Variants in TRDN observed in about 807,000 individuals in gnomAD.
TRDN encodes triadin in skeletal muscle.
A neutral mutation model predicts 149.7 loss-of-function variants in TRDN; 161 were observed. That is an observed-to-expected ratio of 1.08 (90% CI 0.95 to 1.23). TRDN has a LOEUF of 1.23. Among genes scored for constraint, TRDN ranks in the 50% most tolerant of loss-of-function variants. The pLI, the probability that TRDN is intolerant of heterozygous loss-of-function variation, is 0.00. For synonymous variants in TRDN, 294 were observed against 250.5 expected, an observed-to-expected ratio of 1.17 and a Z score of -1.64; for missense variants, 896 against 823.5, an observed-to-expected ratio of 1.09 and a Z score of -1.08.
rs1048365575 is a variant in TRDN, at chr6:123,310,450, T to C, written c.1510+6007A>G. ...ACCAGCAGGAGTGAAAACCTTGTAC[T>C]TATTGCAAAATACTTTTTTATCTCA... On this transcript the variant is annotated intron_variant, in intron 24 of 40. Transcript: ENST00000334268. Among the ~76,000 whole-genome samples, 3 of 152,054 alleles carry C rather than the reference T, an allele frequency of 2.0e-5. No individual in the cohort carries two copies. In the Admixed American group the frequency reaches 2.0e-4, roughly 10 times the overall value.
chr6:123,541,374 C>G (rs531368463), intron 4 of TRDN, among the ~76,000 whole-genome samples: 20 of 152,122 alleles, frequency 1.3e-4, no homozygotes, highest in Non-Finnish European at 2.8e-4. Flanking sequence ...TTTAGTAGCA[C>G]GAAGTACTAC....
chr6:123,421,886 A>T (rs1002567573), intron 12 of TRDN, among the ~76,000 whole-genome samples: 19 of 151,702 alleles, frequency 1.3e-4, no homozygotes, highest in African/African-American at 4.4e-4. Flanking sequence ...AGCCAGGAGG[A>T]CTGCTTGAGC....
chr6:123,497,831 A>G (rs890400175), intron 8 of TRDN, among the ~76,000 whole-genome samples: 1 of 152,174 alleles, frequency 6.6e-6, no homozygotes, highest in Non-Finnish European at 1.5e-5. Flanking sequence ...GAACCAAATG[A>G]TATTGTTGTT....
intron 9 of TRDN, among the ~76,000 whole-genome samples, chr6:123,482,190 TGGTTTTG>T (rs985555161): frequency 1.3e-5 from 2 of 152,194 alleles, no homozygotes; most frequent in African/African-American, 2.4e-5. Context: ...AAAAGAAATC[TGGTTTTG>T]GAGTTTACCT....
In TRDN at chr6:123,308,519, C is replaced by T. The variant is rs141675040; in HGVS notation, c.1510+7938G>A. On this transcript the variant is annotated intron_variant, in intron 24 of 40. Transcript: ENST00000334268. ...ATTCCTTTTTCTCAGGTTTGAAGAA[C>T]TCTCTTTCCTTTGTCTTCTACTCTG... 5.9e-3 allele frequency among the ~76,000 whole-genome samples: 896 copies of T among 151,998 alleles called. 6 individuals carry two copies. Among genetic ancestry groups the T allele is most frequent in the African/African-American group, 0.02 (846 of 41,514 alleles).
intron 1 of TRDN, among the ~76,000 whole-genome samples, chr6:123,580,771 A>G (rs758430711): frequency 1.3e-5 from 2 of 152,228 alleles, no homozygotes; most frequent in Non-Finnish European, 2.9e-5. Context: ...CTATGTAAAT[A>G]AAGCCTCAAC....
chr6:123,622,379 A>G (rs569726080), intron 1 of TRDN, among the ~76,000 whole-genome samples: 60 of 151,996 alleles, frequency 3.9e-4, no homozygotes, highest in Non-Finnish European at 3.2e-4. Flanking sequence ...CATACAAAAT[A>G]TGTGTTAATC....
intron 4 of TRDN, among the ~76,000 whole-genome samples, chr6:123,543,451 T>C (rs1169298109): frequency 1.3e-5 from 2 of 152,166 alleles, no homozygotes; most frequent in Non-Finnish European, 2.9e-5. Context: ...ATGTCCGAAT[T>C]CTGTATTAGT....
Position 123,541,624 on chromosome 6 carries a change from G to A in TRDN, c.424+5716C>T, listed in dbSNP as rs149002018. ...TAAGCTCCTCATGCAGCCTGAGAGC[G>A]ATATGCGATGGTGCAGTTATGGAGA... On this transcript the variant is annotated intron_variant, in intron 4 of 40. Coordinates refer to ENST00000334268, the MANE Select transcript of TRDN (RefSeq NM_006073.4). Among the ~76,000 whole-genome samples the A allele has an allele frequency of 3.7e-3, 559 of 152,222 alleles. 3 individuals are homozygous for A. Among genetic ancestry groups the A allele is most frequent in the Non-Finnish European group, 4.5e-3 (305 of 68,010 alleles).
At chr6:123,329,660 A>G (rs2114723400) in intron 23 of TRDN, among the ~76,000 whole-genome samples, 1 of 152,240 alleles carries the variant, frequency 6.6e-6, no homozygotes, top group East Asian at 1.9e-4. Context: ...TTGGAACAAA[A>G]AAGAAGAAGA....
At chr6:123,521,624 A>T (rs1037174550) in intron 5 of TRDN, among the ~76,000 whole-genome samples, 3 of 152,128 alleles carry the variant, frequency 2.0e-5, no homozygotes, top group Non-Finnish European at 4.4e-5. Context: ...ATTAAGGCTA[A>T]TGTTAAGAAT....
At chr6:123,302,856 A>T in intron 24 of TRDN, among the ~76,000 whole-genome samples, 1 of 152,154 alleles carries the variant, frequency 6.6e-6, no homozygotes, top group Non-Finnish European at 1.5e-5. Flanking sequence ...CTATATTTCT[A>T]ACAAGCAGCT....
At chr6:123,614,792 A>G (rs1170090972) in intron 1 of TRDN, among the ~76,000 whole-genome samples, 1 of 152,108 alleles carries the variant, frequency 6.6e-6, no homozygotes, top group Non-Finnish European at 1.5e-5. Flanking sequence ...GCAAAAATAG[A>G]CAAATGGGAT....
intron 38 of TRDN, among the ~76,000 whole-genome samples, chr6:123,229,735 A>G (rs986010969): frequency 1.3e-5 from 2 of 151,900 alleles, no homozygotes; most frequent in African/African-American, 4.8e-5. Context: ...ACTCTAATAA[A>G]TATGGACTCT....
intron 12 of TRDN, chr6:123,421,582 A>T (rs892333006): frequency 6.6e-6 from 1 of 152,110 alleles, no homozygotes; most frequent in Non-Finnish European, 1.5e-5. Flanking sequence ...TGACTTTTTC[A>T]GGAGGACTCA....
intron 11 of TRDN, among the ~76,000 whole-genome samples, chr6:123,438,392 T>C (rs1774699532): frequency 6.6e-6 from 1 of 152,104 alleles, no homozygotes; most frequent in African/African-American, 2.4e-5. Flanking sequence ...CATTATTAAT[T>C]ATGGTATTAT....
rs558713666 is a variant in TRDN, at chr6:123,393,673, C to T, written c.1056G>A (p.Pro352=). ...CTTGTTTGGTTTCAGAAGCTTTTCC[C>T]GGCTCTTGGAATGAAAAAAACATAA... The part of the protein sequence containing the change: ...ETAIDVEKKE[P]GKASETKQGT... The change falls in exon 13 of 41, where the codon CCG becomes CCA. Residue 352 remains proline, a synonymous_variant. Transcript: ENST00000334268. 25 of 1,604,136 alleles carry T rather than the reference C, an allele frequency of 1.6e-5. No homozygotes were observed. The highest frequency in any genetic ancestry group is 3.4e-5 in the Admixed American group (2 of 58,950).
chr6:123,311,242 A>G (rs1389035210), intron 24 of TRDN, among the ~76,000 whole-genome samples: 4 of 151,948 alleles, frequency 2.6e-5, no homozygotes, highest in African/African-American at 9.7e-5. Flanking sequence ...GAACTGCCAG[A>G]CACTTATAAA....
intron 29 of TRDN, among the ~76,000 whole-genome samples, chr6:123,272,226 T>C (rs1777227880): frequency 6.6e-6 from 1 of 152,030 alleles, no homozygotes; most frequent in Non-Finnish European, 1.5e-5. Flanking sequence ...AGAGCAAGTA[T>C]GTTTTTCACT....
Sources: gnomAD v4.1 joint callset for allele counts (sites outside exome capture counted in the v4.1 genomes callset) on GRCh38, gnomAD v4.1.1 for gene constraint, MANE v1.5 for transcripts, NCBI Gene and HGNC (gene_info 2026-07-23, HGNC 2026-07-21) for gene names.